Variants in IFT74 observed in about 807,000 individuals in gnomAD.
IFT74 encodes intraflagellar transport protein 74 homolog.
Under a neutral mutation model 96.7 loss-of-function variants are expected in IFT74, and 92 were observed. The observed-to-expected ratio is 0.95, with a 90% CI of 0.80 to 1.13. The LOEUF (loss-of-function observed/expected upper bound fraction) is 1.13. IFT74 is among the 50% of genes most tolerant of loss of function. The probability of loss-of-function intolerance (pLI) is 0.00; values close to 1 mark genes in which losing one functional copy is unlikely to be tolerated. For synonymous variants in IFT74, 223 were observed against 213.2 expected (o/e 1.05, Z -0.40); for missense variants, 811 against 698.2 (o/e 1.16, Z -1.82).
At chr9:27,040,152 A>G (rs1362734081) in intron 13 of IFT74, among the ~76,000 whole-genome samples, 6 of 152,190 alleles carry the variant, frequency 3.9e-5, no homozygotes, top group Non-Finnish European at 7.3e-5. Flanking sequence ...TCTTCTTGGA[A>G]TCTTAAGTTT....
Position 26,995,982 on chromosome 9 carries a change from T to G in IFT74, c.587+5787T>G, listed in dbSNP as rs942181076. The G allele has an allele frequency of 8.5e-6, 6 of 706,046 alleles. No homozygotes were observed. The Admixed American group carries it at 1.0e-4, about 12-fold the overall frequency. 43.7% of individuals were successfully genotyped at this position (706,046 alleles called of 1,614,324 possible). A position where few individuals can be genotyped will look rare whatever the true frequency, so the allele number is the denominator to read the frequency against. On this transcript the variant is annotated intron_variant, in intron 8 of 19. Coordinates refer to ENST00000380062, the MANE Select transcript of IFT74 (RefSeq NM_025103.4). ...ATACATTGTAGTTTTCTTTAGATTT[T>G]GTTTGGTGGATGAATTCTCTTTGTT...
intron 2 of IFT74, among the ~76,000 whole-genome samples, chr9:26,974,282 GAGA>G (rs1235409988): frequency 6.6e-6 from 1 of 152,150 alleles, no homozygotes; most frequent in Admixed American, 6.5e-5. Flanking sequence ...GAGCTTTCCT[GAGA>G]AGTTTACTTA....
chr9:26,964,358 T>A (rs1247982687), intron 2 of IFT74, among the ~76,000 whole-genome samples: 54 of 150,586 alleles, frequency 3.6e-4, no homozygotes, highest in Non-Finnish European at 1.6e-4. Flanking sequence ...GCTGTTTTGG[T>A]TACTGTAGCC....
At position 27,048,183 on chromosome 9, in the gene IFT74, C is replaced by A. The variant is rs775064331; in HGVS notation, c.1242C>A (p.Thr414=). The A allele has an allele frequency of 6.9e-5, 110 of 1,599,510 alleles. No homozygotes were observed. The highest frequency in any genetic ancestry group is 9.0e-5 in the Non-Finnish European group (105 of 1,168,696). Residue 414 remains threonine, a synonymous_variant, in exon 16 of 20, where the codon ACC becomes ACA. Coordinates refer to ENST00000380062, the MANE Select transcript of IFT74 (RefSeq NM_025103.4). The part of the protein sequence containing the change: ...INRIEQISSI[T]NQELKMMQDD... ...GTATAGAACAGATATCCTCTATCACCAATCAAGAGCTAAAGATGATGCAGG... is the reference window on the plus strand; with the variant it reads ...GTATAGAACAGATATCCTCTATCACAAATCAAGAGCTAAAGATGATGCAGG...
intron 6 of IFT74, among the ~76,000 whole-genome samples, chr9:26,987,877 A>AT (rs79439079): frequency 4.6e-5 from 7 of 151,414 alleles, no homozygotes; most frequent in South Asian, 4.2e-4. Flanking sequence ...AGCCCTGTTG[A>AT]TTTTTTTTTA....
chr9:26,983,225 C>T (rs1179839664), intron 4 of IFT74, among the ~76,000 whole-genome samples: 2 of 152,110 alleles, frequency 1.3e-5, no homozygotes, highest in East Asian at 1.9e-4. Flanking sequence ...ATAGTAAGGC[C>T]ATCAGTTGTT....
chr9:27,036,742 G>A, intron 13 of IFT74: 1 of 1,228,858 alleles, frequency 8.1e-7, no homozygotes, highest in Non-Finnish European at 1.0e-6. Context: ...TACAGACTAA[G>A]AGAGAGCGTA....
chr9:26,964,456 T>C lies in IFT74; in HGVS notation c.120+2369T>C, dbSNP rs564552074. On this transcript the variant is annotated intron_variant, in intron 2 of 19. Coordinates refer to ENST00000380062, the MANE Select transcript of IFT74 (RefSeq NM_025103.4). ...TGACTTGGCGATGCGGGCTCTTTTT[T>C]GGTTCCATATGAACTTTAAAGTAGT... is the stretch of plus-strand genomic sequence containing the variant. Among the ~76,000 whole-genome samples, 5 of 151,878 alleles carry C rather than the reference T, an allele frequency of 3.3e-5. No homozygotes were observed. In the South Asian group the frequency reaches 8.3e-4, roughly 25 times the overall value.
chr9:26,992,050 G>C (rs1250976028), intron 8 of IFT74, among the ~76,000 whole-genome samples: 1 of 151,114 alleles, frequency 6.6e-6, no homozygotes, highest in Non-Finnish European at 1.5e-5. Flanking sequence ...AAAAAAAATA[G>C]AGAAATATAT....
At chr9:26,969,798 T>C (rs1467601130) in intron 2 of IFT74, among the ~76,000 whole-genome samples, 1 of 152,142 alleles carries the variant, frequency 6.6e-6, no homozygotes, top group Non-Finnish European at 1.5e-5. Context: ...TATCCACCTT[T>C]AATTTCTATG....
At chr9:26,959,089 T>TTTGTTGTTG (rs60936250) in intron 1 of IFT74, among the ~76,000 whole-genome samples, 7,125 of 150,602 alleles carry the variant, frequency 0.047, 216 homozygotes, top group Middle Eastern at 0.13. Flanking sequence ...AGCTATTCTT[T>TTTGTTGTTG]TTGTTGTTGT....
intron 3 of IFT74, among the ~76,000 whole-genome samples, chr9:26,980,149 A>G (rs1429825585): frequency 6.6e-6 from 1 of 152,254 alleles, no homozygotes; most frequent in Non-Finnish European, 1.5e-5. Flanking sequence ...CAGTAGTCAG[A>G]AATTTAAATT....
intron 9 of IFT74, among the ~76,000 whole-genome samples, chr9:27,010,809 G>T (rs1420318716): frequency 6.6e-6 from 1 of 152,078 alleles, no homozygotes; most frequent in Non-Finnish European, 1.5e-5. Flanking sequence ...GTGAGAACAT[G>T]CAATATTAAA....
intron 4 of IFT74, among the ~76,000 whole-genome samples, 183 bp downstream of exon 4, chr9:26,980,802 G>A (rs573619307): frequency 6.6e-6 from 1 of 152,168 alleles, no homozygotes; most frequent in African/African-American, 2.4e-5. Flanking sequence ...TGGCTATGCT[G>A]TAAAATAAAT....
chr9:26,985,547 G>A (rs1827594796), intron 6 of IFT74, among the ~76,000 whole-genome samples: 1 of 151,866 alleles, frequency 6.6e-6, no homozygotes, highest in African/African-American at 2.4e-5. Flanking sequence ...TACTTATTGG[G>A]AAAGATGAAA....
intron 1 of IFT74, among the ~76,000 whole-genome samples, chr9:26,959,318 C>G (rs1587231864): frequency 6.6e-6 from 1 of 152,230 alleles, no homozygotes; most frequent in East Asian, 1.9e-4. Context: ...ACCGTGTTAG[C>G]CAGGATGGTC....
rs1351941633 is a variant in IFT74 at position 27,023,179 on chromosome 9, G to A, written c.974+4492G>A. 2.0e-5 allele frequency among the ~76,000 whole-genome samples: 3 copies of A among 152,096 alleles called. No homozygotes were observed. In the East Asian group the frequency reaches 5.8e-4, roughly 29 times the overall value. On this transcript the variant is annotated intron_variant, in intron 12 of 19. Coordinates refer to ENST00000380062, the MANE Select transcript of IFT74 (RefSeq NM_025103.4). ...TTCTTTTTTCTGATTGCTCTAGCTA[G>A]GACTTCTAGTGCTGTGTTGAATAGA...
Position 27,036,575 on chromosome 9 carries a change from C to T in IFT74, c.1054+7471C>T, listed in dbSNP as rs969885660. 5.0e-6 allele frequency: 8 copies of T among 1,590,576 alleles called. No homozygotes were observed. In the African/African-American group the frequency reaches 8.2e-5, roughly 16 times the overall value. ...TGAACTGAAGAATACCCTGCTATAG[C>T]CTCCCATTGTTTCACAGATCTTCAG... On this transcript the variant is annotated intron_variant, in intron 13 of 19. Transcript: ENST00000380062.
intron 3 of IFT74, among the ~76,000 whole-genome samples, chr9:26,979,630 A>G (rs1054327747): frequency 6.8e-6 from 1 of 147,416 alleles, no homozygotes; most frequent in East Asian, 2.1e-4. Context: ...TAATACACCT[A>G]GTTTTACCTC....
Sources: allele counts gnomAD v4.1 joint callset (sites outside exome capture counted in the v4.1 genomes callset), GRCh38; gene constraint gnomAD v4.1.1; transcripts MANE v1.5; gene names NCBI Gene and HGNC (gene_info 2026-07-23, HGNC 2026-07-21).